The following DENND1B variants were observed in gnomAD, a reference collection of about 807,000 sequenced individuals.
DENND1B encodes DENN domain containing 1B.
DENND1B carries 59 observed loss-of-function variants against 90.1 expected under a neutral mutation model. That is an observed-to-expected ratio of 0.65 (90% CI 0.53 to 0.81). The LOEUF (loss-of-function observed/expected upper bound fraction) is 0.81, where lower values mean the gene tolerates loss of function less well. DENND1B is among the 40% of genes least tolerant of loss of function. The probability of loss-of-function intolerance (pLI) is 0.00; values close to 1 mark genes in which losing one functional copy is unlikely to be tolerated. For synonymous variants in DENND1B, 337 were observed against 324.6 expected (o/e 1.04, Z -0.41); for missense variants, 862 against 912.6 (o/e 0.94, Z 0.71).
chr1:197,582,207 T>C (rs904470953), intron 15 of DENND1B, among the ~76,000 whole-genome samples: 54 of 152,174 alleles, frequency 3.5e-4, no homozygotes, highest in African/African-American at 1.1e-3. Flanking sequence ...AATCTCAGAT[T>C]ATTTTTTAAA....
chr1:197,723,325 T>C (rs572207986), intron 2 of DENND1B, among the ~76,000 whole-genome samples: 1 of 152,250 alleles, frequency 6.6e-6, no homozygotes, highest in East Asian at 1.9e-4. Flanking sequence ...TGAAAACACC[T>C]TGACAAAGAA....
intron 20 of DENND1B, among the ~76,000 whole-genome samples, chr1:197,529,066 C>A (rs1006164350): frequency 6.6e-6 from 1 of 151,420 alleles, no homozygotes; most frequent in Non-Finnish European, 1.5e-5. Context: ...TATTTATCAA[C>A]AAGCATACTG....
intron 2 of DENND1B, chr1:197,735,497 T>C: frequency 1.3e-6 from 2 of 1,586,476 alleles, no homozygotes; most frequent in Non-Finnish European, 8.6e-7. Context: ...AAAGTTTTGC[T>C]TAACAGTTTA....
At chr1:197,762,289 C>T (rs1051406445) in intron 2 of DENND1B, among the ~76,000 whole-genome samples, 12 of 150,396 alleles carry the variant, frequency 8.0e-5, no homozygotes, top group Admixed American at 7.3e-4. Flanking sequence ...TTTTTTGAGA[C>T]GGAGTCTCGC....
intron 15 of DENND1B, among the ~76,000 whole-genome samples, chr1:197,563,370 C>A (rs1037746015): frequency 6.6e-6 from 1 of 151,920 alleles, no homozygotes. Context: ...AGCCAATGCT[C>A]ATTTGCCATT....
chr1:197,621,737 T>C (rs943409411), intron 10 of DENND1B, among the ~76,000 whole-genome samples: 4 of 151,186 alleles, frequency 2.6e-5, no homozygotes, highest in African/African-American at 9.7e-5. Flanking sequence ...GAGAAAAGGG[T>C]AAAGGGAAGA....
At chr1:197,639,385 C>T (rs1680080865) in intron 10 of DENND1B, among the ~76,000 whole-genome samples, 1 of 151,972 alleles carries the variant, frequency 6.6e-6, no homozygotes, top group Non-Finnish European at 1.5e-5. Context: ...TTTTTAACCA[C>T]AAACAGCACC....
intron 5 of DENND1B, among the ~76,000 whole-genome samples, chr1:197,660,124 C>G (rs1654260827): frequency 6.6e-6 from 1 of 151,500 alleles, no homozygotes; most frequent in Non-Finnish European, 1.5e-5. Flanking sequence ...TTAAGAAATT[C>G]TAAAGTCAGA....
intron 3 of DENND1B, among the ~76,000 whole-genome samples, chr1:197,707,045 T>A (rs1659607958): frequency 6.6e-6 from 1 of 152,124 alleles, no homozygotes; most frequent in African/African-American, 2.4e-5. Flanking sequence ...TTAAAAAATA[T>A]GGTATACATA....
intron 15 of DENND1B, among the ~76,000 whole-genome samples, chr1:197,581,206 T>C (rs1674207520): frequency 1.3e-5 from 2 of 152,210 alleles, no homozygotes; most frequent in Non-Finnish European, 2.9e-5. Context: ...TTTTAGAAGT[T>C]TGTGAAACTC....
intron 3 of DENND1B, among the ~76,000 whole-genome samples, chr1:197,683,167 T>C (rs1656869473): frequency 6.6e-6 from 1 of 152,176 alleles, no homozygotes; most frequent in Non-Finnish European, 1.5e-5. Flanking sequence ...TACACAGTTG[T>C]ATGCATATGT....
At chr1:197,535,215 C>A (rs552821414) in intron 20 of DENND1B, among the ~76,000 whole-genome samples, 1 of 152,222 alleles carries the variant, frequency 6.6e-6, no homozygotes, top group African/African-American at 2.4e-5. Flanking sequence ...CTTATCAAAC[C>A]CCAGATTTGT....
chr1:197,767,027 C>G (rs1166808251), intron 2 of DENND1B, among the ~76,000 whole-genome samples: 1 of 152,096 alleles, frequency 6.6e-6, no homozygotes, highest in Admixed American at 6.6e-5. Flanking sequence ...CTCCTGACCT[C>G]AAATGATCTA....
At chr1:197,584,368 T>G (rs192264440) in intron 14 of DENND1B, among the ~76,000 whole-genome samples, 96 of 152,302 alleles carry the variant, frequency 6.3e-4, no homozygotes, top group African/African-American at 2.2e-3. Context: ...GCTATGTAAA[T>G]GTAAATTTAT....
chr1:197,608,608 A>T (rs1203615609), intron 12 of DENND1B, among the ~76,000 whole-genome samples: 1 of 150,616 alleles, frequency 6.6e-6, no homozygotes, highest in Non-Finnish European at 1.5e-5. Flanking sequence ...TTCATCTTCA[A>T]CTTTAAGTTG....
At chr1:197,572,976 G>A (rs6672023) in intron 15 of DENND1B, among the ~76,000 whole-genome samples, 23,886 of 152,100 alleles carry the variant, frequency 0.16, 2,162 homozygotes, top group Non-Finnish European at 0.2. Context: ...CTGTGGGATC[G>A]GTGGTGATAT....
At chr1:197,765,790 TAAAG>T (rs2102480337) in intron 2 of DENND1B, among the ~76,000 whole-genome samples, 1 of 152,066 alleles carries the variant, frequency 6.6e-6, no homozygotes, top group East Asian at 1.9e-4. Context: ...GCGGCAAAAA[TAAAG>T]AACATGTAAA....
intron 10 of DENND1B, among the ~76,000 whole-genome samples, chr1:197,628,512 T>C (rs533891458): frequency 1.1e-3 from 171 of 152,234 alleles, no homozygotes; most frequent in African/African-American, 3.8e-3. Context: ...TTACACCTTT[T>C]ACAAAAATTA....
At chr1:197,702,506 GAATAT>G (rs1659137344) in intron 3 of DENND1B, among the ~76,000 whole-genome samples, 1 of 152,076 alleles carries the variant, frequency 6.6e-6, no homozygotes, top group Non-Finnish European at 1.5e-5. Context: ...ACATCTACTT[GAATAT>G]AATTTCCAAA....
Sources: allele counts gnomAD v4.1 joint callset (sites outside exome capture counted in the v4.1 genomes callset), GRCh38; gene constraint gnomAD v4.1.1; transcripts MANE v1.5; gene names NCBI Gene and HGNC (gene_info 2026-07-23, HGNC 2026-07-21).